Variants in FER1L6 observed in about 807,000 individuals in gnomAD.
The protein encoded by FER1L6 is fer-1-like protein 6.
FER1L6 carries 177 observed loss-of-function variants against 219.2 expected under a neutral mutation model. That is an observed-to-expected ratio of 0.81 (90% CI 0.71 to 0.91). The LOEUF is 0.91. Among genes scored for constraint, FER1L6 ranks in the 40% least tolerant of loss-of-function variants. FER1L6 has a pLI of 0.00. For synonymous variants in FER1L6, 768 were observed against 824.3 expected, an observed-to-expected ratio of 0.93 and a Z score of 1.17; for missense variants, 2,153 against 2,259.9, an observed-to-expected ratio of 0.95 and a Z score of 0.96.
In FER1L6 at chr8:124,060,672, A is replaced by AC. The variant is rs1419342648; in HGVS notation, c.3113dup (p.Asn1039GlufsTer15). 1 of 1,613,924 alleles carries AC rather than the reference A, an allele frequency of 6.2e-7. No homozygotes were observed. The highest frequency in any genetic ancestry group is 1.3e-5 in the African/African-American group (1 of 74,986). ...TGCGTGATCCAGAGCTACAAGAACA[A>AC]CCCGAACTTCAGCATCCAGGCAGAC... On this transcript the variant is annotated frameshift_variant, in exon 24 of 41. Coordinates refer to ENST00000522917, the MANE Select transcript of FER1L6 (RefSeq NM_001039112.2). LOFTEE classifies it high-confidence loss of function.
intron 13 of FER1L6, among the ~76,000 whole-genome samples, chr8:124,009,425 G>A (rs554289257): frequency 6.6e-6 from 1 of 152,280 alleles, no homozygotes; most frequent in Admixed American, 6.5e-5. Context: ...TGAGGGTCCT[G>A]GAGCTGGAGC....
In FER1L6 at chr8:123,966,008, T is replaced by C; in HGVS notation, c.199T>C (p.Ser67Pro). Reference sequence around the variant, plus strand: ...ACATATTAAACTTTCTTTTAATAGATCAAAACTGTTGACTAAGATCCATGA... The same window carrying C: ...ACATATTAAACTTTCTTTTAATAGACCAAAACTGTTGACTAAGATCCATGA... ...PVPSASPKRR[S>P]KLLTKIHDGE... is the part of the protein sequence containing the mutation. Residue 67 changes from serine to proline, a missense_variant and splice_region_variant, in exon 4 of 41, where the codon TCA becomes CCA. Transcript: ENST00000522917. The C allele has an allele frequency of 6.2e-7, 1 of 1,612,794 alleles. No individual in the cohort carries two copies. The highest frequency in any genetic ancestry group is 8.5e-7 in the Non-Finnish European group (1 of 1,179,136).
intron 1 of FER1L6, among the ~76,000 whole-genome samples, chr8:123,880,442 C>T (rs1173636835): frequency 6.6e-6 from 1 of 152,132 alleles, no homozygotes; most frequent in Non-Finnish European, 1.5e-5. Context: ...GAGCTTTAGG[C>T]GGGACAAGCA....
rs540104347 is a variant in FER1L6 at position 124,101,128 on chromosome 8, G to A, written c.4915G>A (p.Glu1639Lys). 4.8e-5 allele frequency: 78 copies of A among 1,613,676 alleles called. No homozygotes were observed. Among genetic ancestry groups the A allele is most frequent in the South Asian group, 2.6e-4 (24 of 91,050 alleles). The change falls in exon 38 of 41, where the codon GAG (glutamate) becomes AAG (lysine). Residue 1639 changes from glutamate (E) to lysine (K), a missense_variant. By Grantham distance (56) the Glu-to-Lys change is moderately conservative. Transcript: ENST00000522917. The part of the protein sequence containing the change: ...WLKGLEDDKQ[E>K]TDVHYNSLTG... ...AAAGGGCTTGGAGGATGACAAGCAG[G>A]AGACAGATGTGCATTACAACTCCCT...
rs117968870 is a variant in FER1L6, at chr8:124,005,646, T to A, written c.1700+2299T>A. Among the ~76,000 whole-genome samples the A allele has an allele frequency of 5.1e-3, 776 of 152,346 alleles. 1 individual carries two copies. The highest frequency in any genetic ancestry group is 0.01 in the Middle Eastern group (3 of 294). On this transcript the variant is annotated intron_variant, in intron 13 of 40. Transcript: ENST00000522917. ...AGGGACTATGCCTTATTCACACACA[T>A]ATCTGTTCATCTCTGTGACCAGTGA...
intron 1 of FER1L6, among the ~76,000 whole-genome samples, chr8:123,943,192 C>G (rs1277702690): frequency 6.6e-6 from 1 of 152,146 alleles, no homozygotes; most frequent in Non-Finnish European, 1.5e-5. Context: ...AAATGTTAAC[C>G]ATGATAGTGA....
intron 1 of FER1L6, among the ~76,000 whole-genome samples, chr8:123,930,218 C>G (rs541316049): frequency 1.8e-4 from 27 of 152,202 alleles, no homozygotes; most frequent in Non-Finnish European, 1.5e-5. Flanking sequence ...GTATTTAGTT[C>G]TATGTAATTT....
chr8:124,106,669 G>A (rs1382289310), intron 39 of FER1L6, among the ~76,000 whole-genome samples: 1 of 152,102 alleles, frequency 6.6e-6, no homozygotes, highest in Non-Finnish European at 1.5e-5. Context: ...TTGCCCCTCT[G>A]AGAAGCCTTC....
intron 1 of FER1L6, among the ~76,000 whole-genome samples, chr8:123,931,800 T>G (rs1215445159): frequency 6.6e-6 from 1 of 152,194 alleles, no homozygotes; most frequent in Non-Finnish European, 1.5e-5. Flanking sequence ...AACACAAAAA[T>G]ATAGGCAGAG....
At chr8:123,888,897 T>C (rs1206792612) in intron 1 of FER1L6, among the ~76,000 whole-genome samples, 2 of 152,208 alleles carry the variant, frequency 1.3e-5, no homozygotes, top group East Asian at 3.9e-4. Flanking sequence ...AATAAAAGAG[T>C]CTCATAAATT....
At chr8:123,955,717 A>G (rs568468171) in intron 1 of FER1L6, among the ~76,000 whole-genome samples, 74 of 152,342 alleles carry the variant, frequency 4.9e-4, no homozygotes, top group African/African-American at 1.5e-3. Flanking sequence ...TAGAAATTTC[A>G]GCTAGTGTTG....
At chr8:123,882,491 A>G (rs917665870) in intron 1 of FER1L6, among the ~76,000 whole-genome samples, 1 of 152,220 alleles carries the variant, frequency 6.6e-6, no homozygotes, top group Non-Finnish European at 1.5e-5. Context: ...TTATTCATCC[A>G]TATATATTTA....
chr8:124,039,809 A>G, intron 19 of FER1L6, 73 bp from the exon 20 acceptor site: 1 of 1,591,564 alleles, frequency 6.3e-7, no homozygotes, highest in Non-Finnish European at 8.6e-7. Flanking sequence ...GACATCACAC[A>G]CAGACACACA....
At chr8:124,098,902 T>C (rs1423270157) in intron 37 of FER1L6, among the ~76,000 whole-genome samples, 1 of 152,182 alleles carries the variant, frequency 6.6e-6, no homozygotes, top group African/African-American at 2.4e-5. Flanking sequence ...AAAGCGACAG[T>C]GCTCTCCATT....
intron 16 of FER1L6, 143 bp from the exon 17 acceptor site, chr8:124,021,407 A>G (rs1248584216): frequency 1.6e-5 from 16 of 997,872 alleles, no homozygotes; most frequent in Non-Finnish European, 2.1e-5. Context: ...AGGAGGCAGC[A>G]TGCACGGTGG....
intron 1 of FER1L6, chr8:123,925,644 G>A (rs867370861): frequency 1.3e-5 from 2 of 152,206 alleles, no homozygotes; most frequent in Non-Finnish European, 2.9e-5. Flanking sequence ...GAGATAAAGT[G>A]TACATAAATA....
At position 123,919,275 on chromosome 8, in the gene FER1L6, A is replaced by G. The variant is rs140862992; in HGVS notation, c.-7-36717A>G. Among the ~76,000 whole-genome samples the G allele has an allele frequency of 6.1e-3, 930 of 152,236 alleles. 7 individuals are homozygous for G. Among genetic ancestry groups the G allele is most frequent in the African/African-American group, 0.021 (879 of 41,534 alleles). On this transcript the variant is annotated intron_variant, in intron 1 of 40. Transcript: ENST00000522917. ...CTGTTTGCCACACCTGGGGCCAGCT[A>G]CCTCTTCTCATGCCTTAGGTTTGCT...
At chr8:124,101,043 T>C in intron 37 of FER1L6, 54 bp from the exon 38 acceptor site, 1 of 1,552,550 alleles carries the variant, frequency 6.4e-7, no homozygotes, top group East Asian at 2.2e-5. Context: ...ATGATTATAC[T>C]GATGCCTGGA....
chr8:123,932,357 A>T (rs4587312), intron 1 of FER1L6, among the ~76,000 whole-genome samples: 1 of 151,790 alleles, frequency 6.6e-6, no homozygotes, highest in Non-Finnish European at 1.5e-5. Flanking sequence ...GATCCACCTG[A>T]CTCAGCCTCC....
Sources: gnomAD v4.1 joint callset for allele counts (sites outside exome capture counted in the v4.1 genomes callset) on GRCh38, gnomAD v4.1.1 for gene constraint, MANE v1.5 for transcripts, NCBI Gene and HGNC (gene_info 2026-07-23, HGNC 2026-07-21) for gene names.